Variants in ATRX observed in about 807,000 individuals in gnomAD.
The protein encoded by ATRX is ATRX chromatin remodeler.
Under a neutral mutation model 172.6 loss-of-function variants are expected in ATRX, and 12 were observed. That is an observed-to-expected ratio of 0.07 (90% CI 0.04 to 0.11). The LOEUF (loss-of-function observed/expected upper bound fraction) is 0.11. Among genes scored for constraint, ATRX ranks in the 10% least tolerant of loss-of-function variants. ATRX has a pLI of 1.00. For missense variants in ATRX, 1,368 were observed against 1,767.4 expected, an observed-to-expected ratio of 0.77 and a Z score of 4.05; for synonymous variants, 674 against 594.7, an observed-to-expected ratio of 1.13 and a Z score of -1.94.
intron 30 of ATRX, among the ~76,000 whole-genome samples, chrX:77,538,004 G>A (rs2063813979): frequency 9.0e-6 from 1 of 110,749 alleles, no homozygotes; most frequent in Admixed American, 9.7e-5. Flanking sequence ...TGAACACGTT[G>A]AAGGGAACAA....
chrX:77,773,156 G>A (rs1557200230), intron 1 of ATRX, among the ~76,000 whole-genome samples: 1 of 100,459 alleles, frequency 1.0e-5, no homozygotes, highest in East Asian at 3.2e-4. Flanking sequence ...ATGCACTATA[G>A]TATAGTCAGC....
intron 30 of ATRX, among the ~76,000 whole-genome samples, chrX:77,553,551 C>G (rs2064643959): frequency 8.9e-6 from 1 of 111,819 alleles, no homozygotes; most frequent in Admixed American, 9.5e-5. Context: ...TTTACTTTTA[C>G]CTCTTCCCAC....
chrX:77,662,606 C>T lies in ATRX; in HGVS notation c.4120+776G>A, dbSNP rs573169946. Among the ~76,000 whole-genome samples, 6 of 112,088 alleles carry T rather than the reference C, an allele frequency of 5.4e-5. No homozygotes were observed. The South Asian group carries it at 2.2e-3, about 41-fold the overall frequency. Reference sequence around the variant, plus strand: ...CCCACTCTAAATTATTAATTTTAATCTCATGTGATAGTATACTTGTTGCCA... The same window carrying T: ...CCCACTCTAAATTATTAATTTTAATTTCATGTGATAGTATACTTGTTGCCA... On this transcript the variant is annotated intron_variant, in intron 12 of 34. Transcript: ENST00000373344.
At chrX:77,612,438 G>A in intron 22 of ATRX, among the ~76,000 whole-genome samples, 1 of 110,088 alleles carries the variant, frequency 9.1e-6, no homozygotes, top group Middle Eastern at 4.6e-3. Flanking sequence ...GGCAAGGGGA[G>A]GAAGAGCATT....
intron 22 of ATRX, 185 bp from the exon 23 acceptor site, chrX:77,600,749 T>C (rs1472203522): frequency 5.0e-6 from 2 of 397,842 alleles, no homozygotes; most frequent in Non-Finnish European, 8.5e-6. Context: ...ACCCATCATA[T>C]AGAAATTATC....
At chrX:77,690,436 C>T in intron 6 of ATRX, among the ~76,000 whole-genome samples, 1 of 111,619 alleles carries the variant, frequency 9.0e-6, no homozygotes, top group Non-Finnish European at 1.9e-5. Flanking sequence ...TGAAGGTTTA[C>T]TATTTATGTT....
intron 1 of ATRX, among the ~76,000 whole-genome samples, chrX:77,748,254 G>A (rs1402123085): frequency 1.8e-5 from 2 of 111,846 alleles, no homozygotes; most frequent in Non-Finnish European, 3.8e-5. Context: ...AAGCAAAGGG[G>A]AGGCAAGTGT....
intron 34 of ATRX, among the ~76,000 whole-genome samples, chrX:77,520,558 A>G (rs113007127): frequency 8.0e-4 from 90 of 112,073 alleles, no homozygotes; most frequent in Non-Finnish European, 1.5e-3. Context: ...TATGGACTAG[A>G]TCATATGTAA....
At chrX:77,723,230 A>T (rs2148779469) in intron 1 of ATRX, among the ~76,000 whole-genome samples, 1 of 111,594 alleles carries the variant, frequency 9.0e-6, no homozygotes, top group Non-Finnish European at 1.9e-5. Context: ...TACGTAATGT[A>T]GATGACGGGT....
At chrX:77,778,497 C>T (rs1471392831) in intron 1 of ATRX, among the ~76,000 whole-genome samples, 5 of 108,845 alleles carry the variant, frequency 4.6e-5, no homozygotes, top group African/African-American at 1.7e-4. Flanking sequence ...CCAAGGCGGG[C>T]GGATCATGAG....
At chrX:77,717,309 T>A in intron 1 of ATRX, 66 bp from the exon 2 acceptor site, 1 of 889,326 alleles carries the variant, frequency 1.1e-6, no homozygotes, top group Non-Finnish European at 1.6e-6. Flanking sequence ...ATTGTAAAGC[T>A]CTAGCAAACT....
intron 22 of ATRX, chrX:77,616,348 T>G: frequency 4.1e-6 from 4 of 963,891 alleles, no homozygotes; most frequent in Non-Finnish European, 5.3e-6. Context: ...TTCACATTCA[T>G]AATTTTTCTG....
Position 77,681,806 on chromosome X carries a change from T to C in ATRX, c.3450A>G (p.Gln1150=). 1 of 1,197,471 alleles carries C rather than the reference T, an allele frequency of 8.4e-7. No homozygotes were observed. The highest frequency in any genetic ancestry group is 1.9e-5 in the South Asian group (1 of 53,539). ...LSSKRNTKEI[Q]SGSSSSDAEE... is the part of the protein sequence containing the mutation. ...CAGCATCAGATGATGATGAGCCACTTTGTATTTCCTTAGTATTTCTCTTTG... is the reference window on the plus strand; with the variant it reads ...CAGCATCAGATGATGATGAGCCACTCTGTATTTCCTTAGTATTTCTCTTTG... Residue 1150 remains glutamine, a synonymous_variant, in exon 9 of 35, where the codon CAA becomes CAG. Transcript: ENST00000373344.
intron 10 of ATRX, chrX:77,675,226 T>C (rs2070806539): frequency 8.9e-6 from 1 of 112,261 alleles, no homozygotes; most frequent in Non-Finnish European, 1.9e-5. Context: ...ATGGTTAATG[T>C]AGTGCTCTTT....
At chrX:77,739,344 T>C (rs1301998790) in intron 1 of ATRX, among the ~76,000 whole-genome samples, 4 of 109,678 alleles carry the variant, frequency 3.6e-5, no homozygotes, top group African/African-American at 9.9e-5. Context: ...CCGGGTAGTA[T>C]TCCATCATAT....
intron 28 of ATRX, among the ~76,000 whole-genome samples, chrX:77,562,626 C>T (rs1557062564): frequency 8.9e-6 from 1 of 111,884 alleles, no homozygotes; most frequent in Non-Finnish European, 1.9e-5. Context: ...CTCACTGCAA[C>T]CTCGAATTCC....
In ATRX at chrX:77,763,473, T is replaced by TA. The variant is rs782021851; in HGVS notation, c.20+22508dup. On this transcript the variant is annotated intron_variant, in intron 1 of 34. Coordinates refer to ENST00000373344, the MANE Select transcript of ATRX (RefSeq NM_000489.6). ...ATACTATTTTCTTTTTTCTTTTTTT[T>TA]AAAAAAAAAAAAAAAAAAAATGAGT... Among the ~76,000 whole-genome samples the TA allele has an allele frequency of 2.3e-3, 197 of 84,081 alleles. 1 individual carries two copies. Among genetic ancestry groups the TA allele is most frequent in the South Asian group, 7.8e-3 (13 of 1,676 alleles). The allele number at this position is 84,081 out of a possible 115,157, so 73.0% of individuals were successfully genotyped here. A position where few individuals can be genotyped will look rare whatever the true frequency, so the allele number is the denominator to read the frequency against.
chrX:77,568,198 C>T (rs2065274231), intron 28 of ATRX, among the ~76,000 whole-genome samples: 1 of 105,076 alleles, frequency 9.5e-6, no homozygotes, highest in South Asian at 4.1e-4. Flanking sequence ...GGGAATAAAA[C>T]ACTAGTTATT....
chrX:77,534,984 T>C (rs1483376550), intron 30 of ATRX, among the ~76,000 whole-genome samples: 1 of 111,657 alleles, frequency 9.0e-6, no homozygotes, highest in Non-Finnish European at 1.9e-5. Flanking sequence ...GGAAATAAAA[T>C]CACCAGAATA....
Sources: gnomAD v4.1 joint callset for allele counts (sites outside exome capture counted in the v4.1 genomes callset) on GRCh38, gnomAD v4.1.1 for gene constraint, MANE v1.5 for transcripts, NCBI Gene and HGNC (gene_info 2026-07-23, HGNC 2026-07-21) for gene names.